GRM7: variants seen among roughly 807,000 people sequenced by gnomAD.
GRM7 encodes the protein metabotropic glutamate receptor 7.
In GRM7, 35 loss-of-function variants were observed where a neutral mutation model predicts 84.5. That is an observed-to-expected ratio of 0.41 (90% confidence interval 0.32 to 0.55). GRM7 has a LOEUF of 0.55. GRM7 is among the 20% of genes least tolerant of loss of function. The pLI, the probability that GRM7 is intolerant of heterozygous loss-of-function variation, is 0.19. For synonymous variants in GRM7, 487 were observed against 455.1 expected, an observed-to-expected ratio of 1.07 and a Z score of -0.89; for missense variants, 1,003 against 1,194.6, an observed-to-expected ratio of 0.84 and a Z score of 2.36.
At chr3:6,910,711 A>C (rs147760072) in intron 1 of GRM7, among the ~76,000 whole-genome samples, 429 of 152,272 alleles carry the variant, frequency 2.8e-3, no homozygotes, top group Admixed American at 4.7e-3. Context: ...CATAGCAAGA[A>C]CCCACCTCTT....
At chr3:7,091,065 A>G (rs534324647) in intron 1 of GRM7, among the ~76,000 whole-genome samples, 3 of 152,298 alleles carry the variant, frequency 2.0e-5, no homozygotes, top group East Asian at 1.9e-4. Flanking sequence ...CTGATATCCT[A>G]TACTTTCTAC....
intron 1 of GRM7, among the ~76,000 whole-genome samples, chr3:7,067,551 CCATGCTCATGG>C: frequency 6.6e-6 from 1 of 152,038 alleles, no homozygotes; most frequent in East Asian, 1.9e-4. Context: ...GAAACACATC[CCATGCTCATGG>C]ATTTGCTGTT....
At chr3:7,503,950 T>C (rs565336958) in intron 7 of GRM7, among the ~76,000 whole-genome samples, 4 of 152,326 alleles carry the variant, frequency 2.6e-5, no homozygotes, top group African/African-American at 9.6e-5. Flanking sequence ...TCTCTGTGGA[T>C]GGACACTGGG....
intron 7 of GRM7, among the ~76,000 whole-genome samples, chr3:7,575,670 A>C (rs1215374165): frequency 6.6e-6 from 1 of 152,216 alleles, no homozygotes; most frequent in East Asian, 1.9e-4. Context: ...ATTTTCAATA[A>C]TGATTTTTGT....
intron 1 of GRM7, among the ~76,000 whole-genome samples, chr3:7,145,369 C>G (rs1013506655): frequency 7.9e-5 from 12 of 152,106 alleles, no homozygotes; most frequent in African/African-American, 2.9e-4. Context: ...AAGAAGGGAA[C>G]AAATGTTACG....
intron 1 of GRM7, among the ~76,000 whole-genome samples, chr3:7,095,526 T>C (rs1437543409): frequency 1.3e-5 from 2 of 152,184 alleles, no homozygotes; most frequent in African/African-American, 4.8e-5. Flanking sequence ...CCGGAGGACC[T>C]GGAGCTTTGG....
chr3:7,568,275 T>C (rs1694421508), intron 7 of GRM7, among the ~76,000 whole-genome samples: 1 of 151,848 alleles, frequency 6.6e-6, no homozygotes, highest in Non-Finnish European at 1.5e-5. Context: ...TTAGACTGTT[T>C]TCACACTGCT....
chr3:7,696,221 A>G (rs1310777182), intron 9 of GRM7, among the ~76,000 whole-genome samples: 2 of 152,200 alleles, frequency 1.3e-5, no homozygotes, highest in Non-Finnish European at 2.9e-5. Context: ...GTAAAAAGCC[A>G]TTTACATTGT....
chr3:7,322,964 G>T (rs142222720), intron 4 of GRM7, among the ~76,000 whole-genome samples: 14 of 152,156 alleles, frequency 9.2e-5, no homozygotes, highest in African/African-American at 2.6e-4. Flanking sequence ...TCGAACTCAG[G>T]GATTCTGGGG....
At chr3:7,519,270 G>A (rs552387801) in intron 7 of GRM7, among the ~76,000 whole-genome samples, 8 of 151,960 alleles carry the variant, frequency 5.3e-5, no homozygotes, top group Non-Finnish European at 1.0e-4. Flanking sequence ...GCTGAGGCAG[G>A]AGAATCGCTG....
At chr3:6,868,634 G>A (rs544086425) in intron 1 of GRM7, among the ~76,000 whole-genome samples, 3 of 152,172 alleles carry the variant, frequency 2.0e-5, no homozygotes, top group East Asian at 3.9e-4. Context: ...ACTTCATTTC[G>A]TTCACTCCAC....
At chr3:7,584,680 A>C (rs1352460086) in intron 8 of GRM7, among the ~76,000 whole-genome samples, 1 of 152,204 alleles carries the variant, frequency 6.6e-6, no homozygotes, top group African/African-American at 2.4e-5. Flanking sequence ...TAATTTGACA[A>C]AAGATGGCAC....
At chr3:7,406,040 A>G (rs1448518011) in intron 4 of GRM7, among the ~76,000 whole-genome samples, 3 of 151,838 alleles carry the variant, frequency 2.0e-5, no homozygotes, top group Non-Finnish European at 4.4e-5. Flanking sequence ...AAAAACACAC[A>G]TTTTTTTGGC....
intron 9 of GRM7, among the ~76,000 whole-genome samples, chr3:7,698,997 G>C (rs1701122010): frequency 1.3e-5 from 2 of 152,188 alleles, no homozygotes; most frequent in South Asian, 4.1e-4. Flanking sequence ...AGTATTGTCA[G>C]AGACCCTACA....
At chr3:7,194,595 C>T (rs966261457) in intron 2 of GRM7, among the ~76,000 whole-genome samples, 4 of 152,108 alleles carry the variant, frequency 2.6e-5, no homozygotes, top group African/African-American at 7.2e-5. Context: ...TCACGCCTTC[C>T]TCTCACAGCA....
chr3:7,212,335 C>CCATTCATT (rs144947910), intron 2 of GRM7, among the ~76,000 whole-genome samples: 83 of 151,890 alleles, frequency 5.5e-4, no homozygotes, highest in African/African-American at 2.0e-3. Flanking sequence ...TTCTTTTTCT[C>CCATTCATT]CATTCATTCA....
intron 2 of GRM7, among the ~76,000 whole-genome samples, chr3:7,245,784 A>G (rs1431395101): frequency 6.6e-6 from 1 of 151,986 alleles, no homozygotes; most frequent in Non-Finnish European, 1.5e-5. Flanking sequence ...ATCCTTGTCT[A>G]TTTTTTTCTA....
chr3:7,020,006 C>T (rs1439330539), intron 1 of GRM7, among the ~76,000 whole-genome samples: 1 of 152,146 alleles, frequency 6.6e-6, no homozygotes, highest in Non-Finnish European at 1.5e-5. Context: ...GCACATGCCA[C>T]CACGCCCAGC....
chr3:7,419,103 C>G (rs1423222512), intron 5 of GRM7, among the ~76,000 whole-genome samples: 1 of 151,970 alleles, frequency 6.6e-6, no homozygotes, highest in Non-Finnish European at 1.5e-5. Flanking sequence ...TGTGTCAGTC[C>G]TTAGAGATCA....
Sources: gnomAD v4.1 joint callset for allele counts (sites outside exome capture counted in the v4.1 genomes callset) on GRCh38, gnomAD v4.1.1 for gene constraint, MANE v1.5 for transcripts, NCBI Gene and HGNC (gene_info 2026-07-23, HGNC 2026-07-21) for gene names.